The following LARP1B variants were observed in gnomAD, a reference collection of about 807,000 sequenced individuals.
The protein encoded by LARP1B is La ribonucleoprotein 1B, also known as la-related protein 1B.
Under a neutral mutation model 114.2 loss-of-function variants are expected in LARP1B, and 76 were observed. The observed-to-expected ratio is 0.67, with a 90% CI of 0.55 to 0.81. LARP1B has a LOEUF of 0.81. Among genes scored for constraint, LARP1B ranks in the 30% least tolerant of loss-of-function variants. The pLI is 0.00. For synonymous variants in LARP1B, 345 were observed against 348.0 expected, an observed-to-expected ratio of 0.99 and a Z score of 0.10; for missense variants, 1,014 against 1,075.8, an observed-to-expected ratio of 0.94 and a Z score of 0.80.
intron 9 of LARP1B, among the ~76,000 whole-genome samples, chr4:128,110,676 C>CAAAAAAAAAAAAAAAAAAAAAAAAAAAA (rs544129662): frequency 9.3e-5 from 3 of 32,430 alleles, no homozygotes; most frequent in African/African-American, 1.7e-4. Flanking sequence ...GACTCCGTCT[C>CAAAAAAAAAAAAAAAAAAAAAAAAAAAA]AAAAAAAAAA....
chr4:128,076,070 G>C (rs1048150039), intron 3 of LARP1B, among the ~76,000 whole-genome samples: 1 of 152,128 alleles, frequency 6.6e-6, no homozygotes, highest in African/African-American at 2.4e-5. Context: ...CTGGAGTACA[G>C]TGGTGGGATT....
chr4:128,207,328 CA>C lies in LARP1B; in HGVS notation c.2496del (p.Lys832AsnfsTer12), dbSNP rs1184405367. On this transcript the variant is annotated frameshift_variant, in exon 19 of 20. Transcript: ENST00000326639. LOFTEE classifies it high-confidence loss of function. Reference protein sequence around the residue: ...YSQSKTQSIDPKLQEYLCSFK... With the variant: ...YSQSKTQSIDXKLQEYLCSFK... The stretch of plus-strand genomic sequence containing the variant: ...CAATCTAAGACACAGTCTATTGACC[CA>C]AAACTTCAGGAATACCTCTGTAGTT... 3.2e-6 allele frequency: 5 copies of C among 1,560,654 alleles called. No homozygotes were observed. The highest frequency in any genetic ancestry group is 4.3e-6 in the Non-Finnish European group (5 of 1,152,946).
At chr4:128,070,611 A>G (rs566891190) in intron 1 of LARP1B, among the ~76,000 whole-genome samples, 2 of 152,314 alleles carry the variant, frequency 1.3e-5, no homozygotes, top group East Asian at 1.9e-4. Flanking sequence ...CACTGAGCCA[A>G]GATGGTGCCA....
At chr4:128,173,574 T>C (rs1744717554) in intron 12 of LARP1B, among the ~76,000 whole-genome samples, 1 of 152,124 alleles carries the variant, frequency 6.6e-6, no homozygotes, top group Admixed American at 6.6e-5. Context: ...GTGATAAAAT[T>C]TGGAAAATCT....
At chr4:128,060,914 ACCCAGCTTTAGGG>A (rs1288905140), upstream of LARP1B, among the ~76,000 whole-genome samples, 5 of 151,988 alleles carry the variant, frequency 3.3e-5, no homozygotes, top group East Asian at 9.7e-4. Context: ...CCTAGCTGCG[ACCCAGCTTTAGGG>A]CCTAAGGGCA....
chr4:128,179,580 G>C, intron 15 of LARP1B, 68 bp downstream of exon 15: 1 of 946,474 alleles, frequency 1.1e-6, no homozygotes, highest in South Asian at 1.7e-5. Flanking sequence ...GTTACTAATT[G>C]GATATTTCAA....
rs1055618762 is a variant in LARP1B, at chr4:128,061,982, G to T, written c.-78+581G>T. 3 of 985,060 alleles carry T rather than the reference G, an allele frequency of 3.0e-6. No homozygotes were observed. The Admixed American group carries it at 1.8e-4, about 61-fold the overall frequency. 61.0% of individuals were successfully genotyped at this position (985,060 alleles called of 1,614,324 possible). Reference sequence around the variant, plus strand: ...CCTGGCGCACAAGGCGCGTGGGCCCGGGGGCCCTTTCGGCGGGGAGCCGCC... The same window carrying T: ...CCTGGCGCACAAGGCGCGTGGGCCCTGGGGCCCTTTCGGCGGGGAGCCGCC... On this transcript the variant is annotated intron_variant, in intron 1 of 19. Transcript: ENST00000326639.
rs73848725 is a variant in LARP1B, at chr4:128,105,301, G to A, written c.814-1838G>A. Among the ~76,000 whole-genome samples the A allele has an allele frequency of 9.9e-3, 1,503 of 152,170 alleles. 23 individuals are homozygous for A. Among genetic ancestry groups the A allele is most frequent in the African/African-American group, 0.033 (1,374 of 41,514 alleles). ...CATAGATTAGATTAGTCTGTTCTTG[G>A]CATTTGTGTAAATTGATTTCTTCTG... On this transcript the variant is annotated intron_variant, in intron 8 of 19. Coordinates refer to ENST00000326639, the MANE Select transcript of LARP1B (RefSeq NM_018078.4).
At chr4:128,106,946 T>G (rs780549398) in intron 8 of LARP1B, among the ~76,000 whole-genome samples, 193 bp from the exon 9 acceptor site, 1 of 152,160 alleles carries the variant, frequency 6.6e-6, no homozygotes, top group Non-Finnish European at 1.5e-5. Flanking sequence ...AAGTGGGAGA[T>G]CAGGATATTT....
intron 1 of LARP1B, among the ~76,000 whole-genome samples, chr4:128,066,858 G>A (rs1459212796): frequency 1.1e-4 from 16 of 148,582 alleles, no homozygotes; most frequent in Admixed American, 1.0e-3. Flanking sequence ...GTGCAATGGC[G>A]CGATCTTGGC....
At chr4:128,069,499 A>C in intron 1 of LARP1B, 2 of 751,752 alleles carry the variant, frequency 2.7e-6, no homozygotes, top group Non-Finnish European at 2.4e-6. Flanking sequence ...TTATCAAGCC[A>C]GATGGGGTGG....
Position 128,109,540 on chromosome 4 carries a change from A to G in LARP1B, c.988+2227A>G, listed in dbSNP as rs532872209. On this transcript the variant is annotated intron_variant, in intron 9 of 19. Coordinates refer to ENST00000326639, the MANE Select transcript of LARP1B (RefSeq NM_018078.4). ...AATGGTAAGATTACTTCTGAAACATAGGTTTTGCAGTTTTATGGATATTGT... is the reference window on the plus strand; with the variant it reads ...AATGGTAAGATTACTTCTGAAACATGGGTTTTGCAGTTTTATGGATATTGT... 4.6e-5 allele frequency among the ~76,000 whole-genome samples: 7 copies of G among 152,242 alleles called. No homozygotes were observed. In the East Asian group the frequency reaches 1.2e-3, roughly 25 times the overall value.
chr4:128,142,385 G>C (rs1378448508), intron 11 of LARP1B, among the ~76,000 whole-genome samples: 1 of 152,152 alleles, frequency 6.6e-6, no homozygotes, highest in Non-Finnish European at 1.5e-5. Flanking sequence ...GAAAGACCAG[G>C]AATTTAAGGA....
chr4:128,080,410 A>C (rs1769858125), intron 4 of LARP1B, among the ~76,000 whole-genome samples: 1 of 152,214 alleles, frequency 6.6e-6, no homozygotes, highest in Non-Finnish European at 1.5e-5. Context: ...CTTTAAAAGA[A>C]GGGCTTCTTT....
intron 19 of LARP1B, among the ~76,000 whole-genome samples, chr4:128,209,547 C>T (rs959854671): frequency 6.6e-6 from 1 of 151,998 alleles, no homozygotes; most frequent in Non-Finnish European, 1.5e-5. Flanking sequence ...TACTAGTAGG[C>T]TGATTTAGTT....
At chr4:128,073,592 T>G (rs1432691293) in intron 1 of LARP1B, among the ~76,000 whole-genome samples, 154 of 40,656 alleles carry the variant, frequency 3.8e-3, no homozygotes, top group Middle Eastern at 0.015. Context: ...TTTTTTTTTT[T>G]TTTTTTTTTT....
intron 10 of LARP1B, among the ~76,000 whole-genome samples, chr4:128,117,739 C>T (rs1309124808): frequency 2.0e-5 from 3 of 151,870 alleles, no homozygotes; most frequent in East Asian, 1.9e-4. Flanking sequence ...AGGCTGTTCT[C>T]GAACTCCTGA....
At chr4:128,071,111 A>G (rs1457173839) in intron 1 of LARP1B, among the ~76,000 whole-genome samples, 1 of 149,826 alleles carries the variant, frequency 6.7e-6, no homozygotes, top group Non-Finnish European at 1.5e-5. Flanking sequence ...CAGTGGCGTG[A>G]TCTTGGCTCA....
At chr4:128,222,308 C>T (rs1373836980) in intron 7 of LARP1B, 1 of 456,378 alleles carries the variant, frequency 2.2e-6, no homozygotes, top group Non-Finnish European at 4.4e-6. Context: ...TTAGTTCTTT[C>T]CCTTTGTTTT....
Sources: allele counts gnomAD v4.1 joint callset (sites outside exome capture counted in the v4.1 genomes callset), GRCh38; gene constraint gnomAD v4.1.1; transcripts MANE v1.5; gene names NCBI Gene and HGNC (gene_info 2026-07-23, HGNC 2026-07-21).